Variants in LOC128125822 observed in about 807,000 individuals in gnomAD.
the LOC128125822 span, chr6:63,580,845 T>C: frequency 6.6e-6 from 1 of 152,532 alleles, no homozygotes; most frequent in Non-Finnish European, 1.5e-5. Context: ...CAGAAGCACA[T>C]GTCTTTAATG....
chr6:63,583,262 A>G, the LOC128125822 span: 1 of 152,228 alleles, frequency 6.6e-6, no homozygotes, highest in Admixed American at 6.5e-5. Context: ...AAATACATGA[A>G]GTAGTGTCTG....
At chr6:63,582,102 A>G in the LOC128125822 span, 1 of 152,014 alleles carries the variant, frequency 6.6e-6, no homozygotes, top group Non-Finnish European at 1.5e-5. Context: ...AAGGAAGAAC[A>G]GGGGCCTCTG....
chr6:63,579,123 C>G, the LOC128125822 span: 1 of 1,380,578 alleles, frequency 7.2e-7, no homozygotes. Flanking sequence ...AATATAAAGT[C>G]AACATTTGTC....
At chr6:63,580,235 T>A in the LOC128125822 span, 5 of 1,303,152 alleles carry the variant, frequency 3.8e-6, no homozygotes, top group African/African-American at 1.5e-5. Flanking sequence ...TTGTTATACA[T>A]ATTAGCCAAC....
At chr6:63,576,737 T>C in the LOC128125822 span, 3,330 of 659,366 alleles carry the variant, frequency 5.1e-3, 16 homozygotes, top group Non-Finnish European at 7.4e-3. Context: ...ATTTCACTTA[T>C]CATTACTTAC....
chr6:63,577,122 G>A, the LOC128125822 span: 1 of 671,920 alleles, frequency 1.5e-6, no homozygotes, highest in Non-Finnish European at 2.6e-6. Flanking sequence ...AAATGTCAAT[G>A]TCTTCTATAG....
chr6:63,577,587 C>T, the LOC128125822 span, among the ~76,000 whole-genome samples: 76 of 152,066 alleles, frequency 5.0e-4, no homozygotes, highest in African/African-American at 1.7e-3. Flanking sequence ...GATGGAGTCT[C>T]GTTCTGTCAC....
chr6:63,579,521 C>G, the LOC128125822 span, among the ~76,000 whole-genome samples: 1 of 152,112 alleles, frequency 6.6e-6, no homozygotes, highest in Non-Finnish European at 1.5e-5. Flanking sequence ...GATTCTAATC[C>G]AACAAGAGTT....
chr6:63,572,577 C>T, the LOC128125822 span: 5 of 414,860 alleles, frequency 1.2e-5, no homozygotes, highest in Non-Finnish European at 1.7e-5. Flanking sequence ...GTGCCCCCGC[C>T]GCCGCCTGCA....
chr6:63,581,411 C>G, the LOC128125822 span: 15 of 152,422 alleles, frequency 9.8e-5, no homozygotes, highest in Non-Finnish European at 2.2e-4. Flanking sequence ...AAACTTAGTG[C>G]GAGAGCTGAA....
At chr6:63,580,456 T>A in the LOC128125822 span, 1 of 293,376 alleles carries the variant, frequency 3.4e-6, no homozygotes, top group Middle Eastern at 1.1e-3. Context: ...TATTGAGTTA[T>A]GACTTGTTAA....
the LOC128125822 span, chr6:63,580,107 A>G: frequency 6.2e-7 from 1 of 1,613,012 alleles, no homozygotes; most frequent in Non-Finnish European, 8.5e-7. Flanking sequence ...TTGGAGAAGT[A>G]TCGTCCTAAA....
chr6:63,574,448 CTA>C, the LOC128125822 span, among the ~76,000 whole-genome samples: 3 of 152,166 alleles, frequency 2.0e-5, no homozygotes, highest in African/African-American at 7.2e-5. Flanking sequence ...GAACAGAAAT[CTA>C]TCGGTGGCCA....
the LOC128125822 span, chr6:63,576,789 T>A: frequency 2.0e-6 from 2 of 987,454 alleles, no homozygotes; most frequent in Non-Finnish European, 1.5e-6. Context: ...GTGGAGTATA[T>A]TGAAGTAGAC....
the LOC128125822 span, chr6:63,580,395 A>G: frequency 7.5e-5 from 36 of 480,544 alleles, no homozygotes; most frequent in Non-Finnish European, 1.2e-4. Context: ...CTGTCAGCAT[A>G]TAAAATGTGC....
chr6:63,575,902 G>T, the LOC128125822 span, among the ~76,000 whole-genome samples: 2,037 of 152,054 alleles, frequency 0.013, 41 homozygotes, highest in African/African-American at 0.046. Context: ...AGTTGGAAAA[G>T]AACTTAGATG....
chr6:63,577,061 C>A, the LOC128125822 span: 1 of 1,184,946 alleles, frequency 8.4e-7, no homozygotes, highest in Non-Finnish European at 1.2e-6. Flanking sequence ...AAAATAAAAA[C>A]TACTTTGGAA....
At chr6:63,578,539 T>G in the LOC128125822 span, 1 of 1,608,730 alleles carries the variant, frequency 6.2e-7, no homozygotes, top group Non-Finnish European at 8.5e-7. Flanking sequence ...TGTAAGTATT[T>G]AACAGTTCTT....
At chr6:63,581,939 T>G in the LOC128125822 span, 2 of 152,196 alleles carry the variant, frequency 1.3e-5, no homozygotes, top group Non-Finnish European at 2.9e-5. Context: ...CTAGATGTCT[T>G]TGTCTAATTT....
Sources: gnomAD v4.1 joint callset for allele counts (sites outside exome capture counted in the v4.1 genomes callset) on GRCh38, gnomAD v4.1.1 for gene constraint, MANE v1.5 for transcripts.